Variants in CYP11A1 observed in about 807,000 individuals in gnomAD.
CYP11A1 encodes the protein cholesterol side-chain cleavage enzyme, mitochondrial.
CYP11A1 carries 25 observed loss-of-function variants against 51.9 expected under a neutral mutation model. The ratio of observed to expected loss-of-function variants is 0.48; its 90% confidence interval spans 0.35 to 0.67. The LOEUF (loss-of-function observed/expected upper bound fraction) is 0.67, where lower values mean the gene tolerates loss of function less well. CYP11A1 is among the 30% of genes least tolerant of loss of function. The probability of loss-of-function intolerance (pLI) is 0.00; values close to 1 mark genes in which losing one functional copy is unlikely to be tolerated. For missense variants in CYP11A1, 578 were observed against 680.9 expected, an observed-to-expected ratio of 0.85 and a Z score of 1.68; for synonymous variants, 245 against 262.1, an observed-to-expected ratio of 0.93 and a Z score of 0.63.
intron 1 of CYP11A1, among the ~76,000 whole-genome samples, chr15:74,365,219 A>C (rs1369149355): frequency 2.0e-5 from 3 of 148,768 alleles, no homozygotes; most frequent in Non-Finnish European, 4.5e-5. Flanking sequence ...CAAAGAACCC[A>C]GGTGTGGCTG....
At chr15:74,351,853 TG>T (rs2060658002) in intron 1 of CYP11A1, among the ~76,000 whole-genome samples, 1 of 152,230 alleles carries the variant, frequency 6.6e-6, no homozygotes. Context: ...TTTGAAGTCG[TG>T]GGAGGTTTGG....
intron 1 of CYP11A1, among the ~76,000 whole-genome samples, chr15:74,354,305 C>G (rs1253067553): frequency 1.3e-5 from 2 of 152,206 alleles, no homozygotes; most frequent in African/African-American, 4.8e-5. Flanking sequence ...CCTGGCTCTT[C>G]TGGCTCAAAA....
intron 1 of CYP11A1, chr15:74,354,442 T>C (rs948396430): frequency 1.3e-5 from 2 of 152,086 alleles, no homozygotes; most frequent in Non-Finnish European, 2.9e-5. Context: ...TTTTGCTGAC[T>C]CTTTTCGGAT....
intron 1 of CYP11A1, chr15:74,365,923 G>A (rs1355681066): frequency 1.0e-6 from 1 of 985,690 alleles, no homozygotes; most frequent in Admixed American, 6.1e-5. Context: ...ACACCTCAAA[G>A]CGCACGGAGT....
rs1384962254 is a variant in CYP11A1, at chr15:74,344,866, C to T, written c.625+178G>A. 4 of 696,728 alleles carry T rather than the reference C, an allele frequency of 5.7e-6. No individual in the cohort carries two copies. In the East Asian group the frequency reaches 1.1e-4, roughly 19 times the overall value. 43.2% of individuals were successfully genotyped at this position (696,728 alleles called of 1,614,324 possible). ...CAGAGCAAGGGGTCTCACTCTGTTGCCCAGGGTGGTCTTAAATTGCCTCTG... is the reference window on the plus strand; with the variant it reads ...CAGAGCAAGGGGTCTCACTCTGTTGTCCAGGGTGGTCTTAAATTGCCTCTG... On this transcript the variant is annotated intron_variant, in intron 3 of 8. Transcript: ENST00000268053.
At chr15:74,357,282 G>T (rs1229026293) in intron 1 of CYP11A1, among the ~76,000 whole-genome samples, 1 of 152,198 alleles carries the variant, frequency 6.6e-6, no homozygotes. Flanking sequence ...TACCTGGGCT[G>T]TACTGCTGCA....
At position 74,343,027 on chromosome 15, in the gene CYP11A1, C is replaced by G; in HGVS notation, c.940G>C (p.Glu314Gln). The G allele has an allele frequency of 1.9e-6, 3 of 1,613,104 alleles. No homozygotes were observed. Among genetic ancestry groups the G allele is most frequent in the Non-Finnish European group, 2.5e-6 (3 of 1,179,998 alleles). The change falls in exon 5 of 9, where the codon GAG becomes CAG. Residue 314 changes from glutamate to glutamine, a missense_variant. By Grantham distance (29) the Glu-to-Gln change is conservative. Transcript: ENST00000268053. Reference protein sequence around the residue: ...RLLGDSKMSFEDIKANVTEML... With the variant: ...RLLGDSKMSFQDIKANVTEML... ...TCTGTGACGTTGGCCTTGATGTCCTCGAAGGACATCTTGCTGTCTCCCAGG... is the reference window on the plus strand; with the variant it reads ...TCTGTGACGTTGGCCTTGATGTCCTGGAAGGACATCTTGCTGTCTCCCAGG...
intron 5 of CYP11A1, 106 bp from the exon 6 acceptor site, chr15:74,339,859 C>A: frequency 9.2e-7 from 1 of 1,083,280 alleles, no homozygotes. Context: ...ACCTCTTTCT[C>A]CCCGAACCCC....
intron 1 of CYP11A1, among the ~76,000 whole-genome samples, chr15:74,357,340 C>T (rs775771380): frequency 1.3e-5 from 2 of 152,148 alleles, no homozygotes; most frequent in Non-Finnish European, 2.9e-5. Flanking sequence ...CAATTTCTTC[C>T]TCATCCATTA....
chr15:74,343,040 G>C lies in CYP11A1; in HGVS notation c.927C>G (p.Ser309Arg), dbSNP rs375122406. Reference protein sequence around the residue: ...RGILYRLLGDSKMSFEDIKAN... With the variant: ...RGILYRLLGDRKMSFEDIKAN... Reference sequence around the variant, plus strand: ...CCTTGATGTCCTCGAAGGACATCTTGCTGTCTCCCAGGAGTCTGTAGAGGA... The same window carrying C: ...CCTTGATGTCCTCGAAGGACATCTTCCTGTCTCCCAGGAGTCTGTAGAGGA... The change falls in exon 5 of 9, where the codon AGC (serine) becomes AGG (arginine). Residue 309 changes from serine to arginine, a missense_variant. Ser to Arg is a moderately radical substitution (Grantham distance 110, BLOSUM62 -1). Transcript: ENST00000268053. The C allele has an allele frequency of 2.2e-5, 35 of 1,613,342 alleles. No individual in the cohort carries two copies. The highest frequency in any genetic ancestry group is 2.6e-5 in the Non-Finnish European group (31 of 1,180,036).
chr15:74,344,586 A>G (rs2060623192), intron 3 of CYP11A1, among the ~76,000 whole-genome samples: 1 of 152,108 alleles, frequency 6.6e-6, no homozygotes, highest in Non-Finnish European at 1.5e-5. Flanking sequence ...CCCTCTACCT[A>G]TACTGCCTGA....
At chr15:74,360,625 A>G (rs2060704171) in intron 1 of CYP11A1, among the ~76,000 whole-genome samples, 1 of 150,612 alleles carries the variant, frequency 6.6e-6, no homozygotes, top group Non-Finnish European at 1.5e-5. Context: ...ATTATAGGCC[A>G]GTCACAGTGC....
At chr15:74,344,996 GTCC>G (rs1474861003) in intron 3 of CYP11A1, 45 bp downstream of exon 3, 7 of 1,542,978 alleles carry the variant, frequency 4.5e-6, no homozygotes, top group Non-Finnish European at 6.3e-6. Flanking sequence ...TGAACACTGA[GTCC>G]TCCCACCCCC....
At chr15:74,355,999 G>T (rs116264489) in intron 1 of CYP11A1, among the ~76,000 whole-genome samples, 4,030 of 152,220 alleles carry the variant, frequency 0.026, 186 homozygotes, top group African/African-American at 0.091. Context: ...CTCAAACCTC[G>T]CAATGGGAAT....
chr15:74,345,243 C>T lies in CYP11A1; in HGVS notation c.426G>A (p.Lys142=). ...YYQRPIGVLL[K]KSAAWKKDRV... ...GGTCTTTCTTCCAGGCTGCCGACTT[C>T]CTGAGAAAACATGGGCCCACAAGCC... The change falls in exon 3 of 9, where the codon AAG becomes AAA. Residue 142 remains lysine, a splice_region_variant and synonymous_variant. Transcript: ENST00000268053. This position sits in a 1 kb window ranked among gnomAD's most constrained non-coding sequence, Gnocchi z 4.3. 6.2e-7 allele frequency: 1 copy of T among 1,614,176 alleles called. No homozygotes were observed. The highest frequency in any genetic ancestry group is 8.5e-7 in the Non-Finnish European group (1 of 1,180,028).
At chr15:74,356,759 C>G (rs1322778210) in intron 1 of CYP11A1, among the ~76,000 whole-genome samples, 1 of 152,128 alleles carries the variant, frequency 6.6e-6, no homozygotes, top group Non-Finnish European at 1.5e-5. Flanking sequence ...TTATTGCCAC[C>G]CTTTTCCCCA....
At chr15:74,342,575 C>T (rs1425218677) in intron 5 of CYP11A1, among the ~76,000 whole-genome samples, 2 of 152,128 alleles carry the variant, frequency 1.3e-5, no homozygotes, top group East Asian at 1.9e-4. Context: ...CCAATGTTTC[C>T]GGGCTCCTGC....
intron 1 of CYP11A1, chr15:74,366,188 G>A (rs2060732404): frequency 1.0e-6 from 1 of 985,548 alleles, no homozygotes; most frequent in Non-Finnish European, 1.2e-6. Flanking sequence ...CGTGCGCTGG[G>A]AGGAATGCTG....
At chr15:74,361,663 C>T (rs1205207334) in intron 1 of CYP11A1, 3 of 1,208,840 alleles carry the variant, frequency 2.5e-6, no homozygotes, top group Non-Finnish European at 3.7e-6. Context: ...AACTTTCATG[C>T]TCTGAGCACT....
Sources: allele counts gnomAD v4.1 joint callset (sites outside exome capture counted in the v4.1 genomes callset), GRCh38; gene constraint gnomAD v4.1.1; non-coding constraint Gnocchi (gnomAD v3.1); transcripts MANE v1.5; gene names NCBI Gene and HGNC (gene_info 2026-07-23, HGNC 2026-07-21).